Variants in DENND1B observed in about 807,000 individuals in gnomAD.
The protein encoded by DENND1B is DENN domain-containing protein 1B.
In DENND1B, 59 loss-of-function variants were observed where a neutral mutation model predicts 90.1. The ratio of observed to expected loss-of-function variants is 0.65; its 90% CI spans 0.53 to 0.81. The LOEUF (loss-of-function observed/expected upper bound fraction) is 0.81, where lower values mean the gene tolerates loss of function less well. Ranked by LOEUF, DENND1B falls within the 40% of genes least tolerant of loss-of-function variation. The probability of loss-of-function intolerance (pLI) is 0.00; values close to 1 mark genes in which losing one functional copy is unlikely to be tolerated. For missense variants in DENND1B, 862 were observed against 912.6 expected (o/e 0.94, Z 0.71); for synonymous variants, 337 against 324.6 (o/e 1.04, Z -0.41).
At chr1:197,628,106 TA>T (rs1345220712) in intron 10 of DENND1B, among the ~76,000 whole-genome samples, 6 of 152,238 alleles carry the variant, frequency 3.9e-5, no homozygotes, top group Non-Finnish European at 8.8e-5. Flanking sequence ...CTGCCCAAGG[TA>T]TTTTATAGAT....
chr1:197,609,779 G>A (rs1218703854), intron 12 of DENND1B, among the ~76,000 whole-genome samples: 1 of 149,934 alleles, frequency 6.7e-6, no homozygotes, highest in African/African-American at 2.4e-5. Flanking sequence ...AAACTCTCTT[G>A]ACCAAGAGAG....
intron 11 of DENND1B, among the ~76,000 whole-genome samples, chr1:197,613,194 T>C (rs1478528265): frequency 1.3e-5 from 2 of 150,758 alleles, no homozygotes; most frequent in African/African-American, 2.4e-5. Flanking sequence ...GAACCAGCAA[T>C]AGATTACACA....
Position 197,580,581 on chromosome 1 carries a change from C to T in DENND1B, c.1149+2571G>A, listed in dbSNP as rs1176524842. The stretch of plus-strand genomic sequence containing the variant: ...CTAACATTTAGGGTCCTTTAAATTT[C>T]GTTTGAGTTTTGTCAGCCAAAATCA... On this transcript the variant is annotated intron_variant, in intron 15 of 22. Coordinates refer to ENST00000620048, the MANE Select transcript of DENND1B (RefSeq NM_001195215.2). Among the ~76,000 whole-genome samples the T allele has an allele frequency of 9.2e-5, 14 of 152,126 alleles. 1 individual carries two copies. The South Asian group carries it at 1.7e-3, about 18-fold the overall frequency.
chr1:197,589,926 T>C (rs1306838825), intron 14 of DENND1B, among the ~76,000 whole-genome samples: 1 of 152,204 alleles, frequency 6.6e-6, no homozygotes, highest in East Asian at 1.9e-4. Flanking sequence ...TCTTTGAATA[T>C]ACTAAACAAT....
intron 2 of DENND1B, among the ~76,000 whole-genome samples, chr1:197,768,220 C>T (rs751167206): frequency 6.6e-6 from 1 of 151,500 alleles, no homozygotes; most frequent in East Asian, 1.9e-4. Flanking sequence ...TCCTCCTGCT[C>T]CTCCTCCTCC....
intron 2 of DENND1B, among the ~76,000 whole-genome samples, chr1:197,721,350 T>C (rs1478319198): frequency 6.6e-6 from 1 of 152,114 alleles, no homozygotes; most frequent in Non-Finnish European, 1.5e-5. Context: ...ATTACAGGCT[T>C]GAGCCACCGT....
intron 2 of DENND1B, among the ~76,000 whole-genome samples, chr1:197,724,829 A>C (rs1661482765): frequency 6.6e-6 from 1 of 152,122 alleles, no homozygotes; most frequent in Non-Finnish European, 1.5e-5. Context: ...ATGAAATTAA[A>C]AGCTCAATGA....
intron 14 of DENND1B, 92 bp from the exon 15 acceptor site, chr1:197,583,345 A>G: frequency 8.4e-7 from 1 of 1,193,116 alleles, no homozygotes; most frequent in Non-Finnish European, 1.2e-6. Context: ...GTGATAGAGG[A>G]AGCGTAAGGT....
chr1:197,653,605 T>C (rs1047450093), intron 6 of DENND1B, among the ~76,000 whole-genome samples: 1 of 152,128 alleles, frequency 6.6e-6, no homozygotes, highest in Non-Finnish European at 1.5e-5. Context: ...ATTAATGCTA[T>C]AAACTTATTT....
chr1:197,690,105 G>T, intron 3 of DENND1B: 1 of 224,950 alleles, frequency 4.4e-6, no homozygotes, highest in Non-Finnish European at 9.0e-6. Flanking sequence ...TTTTGCACCA[G>T]TTAACACTAC....
intron 14 of DENND1B, among the ~76,000 whole-genome samples, chr1:197,584,663 T>G (rs1674536682): frequency 6.6e-6 from 1 of 152,114 alleles, no homozygotes; most frequent in Admixed American, 6.5e-5. Context: ...TACAGATGAT[T>G]GCCAATTTTT....
intron 15 of DENND1B, among the ~76,000 whole-genome samples, chr1:197,571,422 T>C (rs1015177128): frequency 1.3e-5 from 2 of 152,216 alleles, no homozygotes; most frequent in African/African-American, 2.4e-5. Context: ...GCCAAGTTCT[T>C]TCCCTCCTTT....
chr1:197,624,809 G>C (rs887454522), intron 10 of DENND1B, among the ~76,000 whole-genome samples: 7 of 151,868 alleles, frequency 4.6e-5, no homozygotes, highest in African/African-American at 1.2e-4. Context: ...AACCAATACA[G>C]AGAAGTGCTT....
At chr1:197,574,844 G>A (rs999572139) in intron 15 of DENND1B, among the ~76,000 whole-genome samples, 2 of 152,186 alleles carry the variant, frequency 1.3e-5, no homozygotes, top group East Asian at 1.9e-4. Flanking sequence ...AATGGGGAAA[G>A]GATTCCCGAT....
intron 15 of DENND1B, among the ~76,000 whole-genome samples, chr1:197,577,281 G>T (rs1204450854): frequency 6.6e-6 from 1 of 152,150 alleles, no homozygotes; most frequent in Non-Finnish European, 1.5e-5. Context: ...ATAGCCACTT[G>T]CCATAGCTAC....
intron 15 of DENND1B, among the ~76,000 whole-genome samples, chr1:197,563,807 A>AT (rs1204554160): frequency 4.6e-5 from 7 of 151,974 alleles, no homozygotes; most frequent in African/African-American, 1.7e-4. Context: ...TCTAGATATC[A>AT]TTAAGAACAT....
chr1:197,516,647 A>G (rs1357204225), intron 20 of DENND1B, among the ~76,000 whole-genome samples: 3 of 151,760 alleles, frequency 2.0e-5, no homozygotes, highest in African/African-American at 7.2e-5. Flanking sequence ...AATCTTAAAA[A>G]TAAAGGTCTT....
At chr1:197,556,614 A>G (rs1369355804) in intron 15 of DENND1B, among the ~76,000 whole-genome samples, 1 of 152,002 alleles carries the variant, frequency 6.6e-6, no homozygotes, top group Non-Finnish European at 1.5e-5. Context: ...ATAAATTAAC[A>G]TGGAGTGTGG....
chr1:197,781,099 G>A, the DENND1B span, among the ~76,000 whole-genome samples: 2 of 152,008 alleles, frequency 1.3e-5, no homozygotes, highest in African/African-American at 4.8e-5. Flanking sequence ...TTCTGAATGC[G>A]AAATAATAAA....
Sources: gnomAD v4.1 joint callset for allele counts (sites outside exome capture counted in the v4.1 genomes callset) on GRCh38, gnomAD v4.1.1 for gene constraint, MANE v1.5 for transcripts, NCBI Gene and HGNC (gene_info 2026-07-23, HGNC 2026-07-21) for gene names.